The following ADGRL2 variants were observed in gnomAD, a reference collection of about 807,000 sequenced individuals.
ADGRL2 encodes adhesion G protein-coupled receptor L2.
In ADGRL2, 44 loss-of-function variants were observed where a neutral mutation model predicts 157.4. That is an observed-to-expected ratio of 0.28 (90% confidence interval 0.22 to 0.36). The LOEUF is 0.36. Among genes scored for constraint, ADGRL2 ranks in the 10% least tolerant of loss-of-function variants. The probability of loss-of-function intolerance (pLI) is 1.00; values close to 1 mark genes in which losing one functional copy is unlikely to be tolerated. For missense variants in ADGRL2, 1,510 were observed against 1,768.9 expected (o/e 0.85, Z 2.63); for synonymous variants, 585 against 624.7 (o/e 0.94, Z 0.95).
intron 3 of ADGRL2, among the ~76,000 whole-genome samples, chr1:81,636,305 A>G (rs1216014729): frequency 6.6e-6 from 1 of 152,206 alleles, no homozygotes; most frequent in Non-Finnish European, 1.5e-5. Flanking sequence ...ATGTGTGTGT[A>G]TGTATGTAGG....
At chr1:81,422,252 A>T (rs904789700) in intron 1 of ADGRL2, among the ~76,000 whole-genome samples, 2 of 150,206 alleles carry the variant, frequency 1.3e-5, no homozygotes, top group African/African-American at 4.9e-5. Context: ...CATACAAACA[A>T]TTTTTTTTTT....
At chr1:81,345,513 T>A (rs1476612428) in intron 1 of ADGRL2, among the ~76,000 whole-genome samples, 4 of 152,212 alleles carry the variant, frequency 2.6e-5, no homozygotes, top group Non-Finnish European at 5.9e-5. Context: ...AGATTAATCA[T>A]ATTTTTGTTA....
rs1177564379 is a variant in ADGRL2 at position 81,454,167 on chromosome 1, CT to C, written c.-248+9090del. Among the ~76,000 whole-genome samples, 857 of 145,572 alleles carry C rather than the reference CT, an allele frequency of 5.9e-3. 7 individuals are homozygous for C. Among genetic ancestry groups the C allele is most frequent in the African/African-American group, 9.8e-3 (393 of 39,958 alleles). ...AGTCTTGAACATCTCAATCCTCACT[CT>C]TTTTTTTTTTTCTTTTTCTTCTTCC... On this transcript the variant is annotated intron_variant, in intron 2 of 24. Transcript: ENST00000370721.
At position 81,991,154 on chromosome 1, in the gene ADGRL2, C is replaced by A. The variant is rs1052183300; in HGVS notation, c.*9C>A. 8 of 1,588,868 alleles carry A rather than the reference C, an allele frequency of 5.0e-6. No homozygotes were observed. The highest frequency in any genetic ancestry group is 6.9e-6 in the Non-Finnish European group (8 of 1,165,096). ...TGGTTACAAGTCTTTAATCATACAGCTAAGGAATTCCAAGGGCCACATGCG... is the reference window on the plus strand; with the variant it reads ...TGGTTACAAGTCTTTAATCATACAGATAAGGAATTCCAAGGGCCACATGCG... On this transcript the variant is annotated 3_prime_UTR_variant, in exon 24 of 24. Transcript: ENST00000686636.
intron 2 of ADGRL2, among the ~76,000 whole-genome samples, chr1:81,570,377 C>T (rs6662168): frequency 0.037 from 5,604 of 151,990 alleles, 123 homozygotes; most frequent in African/African-American, 0.047. Flanking sequence ...ATATTACATT[C>T]GTTTGTTTGT....
chr1:81,487,172 A>T (rs1259088992), intron 2 of ADGRL2, among the ~76,000 whole-genome samples: 1 of 150,202 alleles, frequency 6.7e-6, no homozygotes, highest in Non-Finnish European at 1.5e-5. Context: ...GGAGGCTGAG[A>T]TGGGAGGATT....
intron 2 of ADGRL2, among the ~76,000 whole-genome samples, chr1:81,459,361 T>G (rs190290254): frequency 4.9e-4 from 75 of 152,236 alleles, no homozygotes; most frequent in Admixed American, 4.2e-3. Flanking sequence ...CAACCACCAT[T>G]CTACCCTGCA....
chr1:81,950,043 T>A, intron 6 of ADGRL2, 146 bp from the exon 7 acceptor site: 1 of 686,138 alleles, frequency 1.5e-6, no homozygotes. Flanking sequence ...AGCGATATTG[T>A]CAGTAATTCT....
At chr1:81,645,396 CAAAAA>C (rs374061248) in intron 3 of ADGRL2, among the ~76,000 whole-genome samples, 50 of 94,828 alleles carry the variant, frequency 5.3e-4, no homozygotes, top group East Asian at 1.2e-3. Flanking sequence ...GATCCTGTCT[CAAAAA>C]AAAAAAAAAA....
chr1:81,573,343 C>T (rs2080733187), intron 2 of ADGRL2, among the ~76,000 whole-genome samples: 1 of 151,934 alleles, frequency 6.6e-6, no homozygotes, highest in African/African-American at 2.4e-5. Context: ...TCTTTTCTTC[C>T]CCCTTCCTTA....
At chr1:81,341,453 T>A (rs1662066573) in intron 1 of ADGRL2, among the ~76,000 whole-genome samples, 1 of 151,904 alleles carries the variant, frequency 6.6e-6, no homozygotes, top group Admixed American at 6.5e-5. Context: ...TGTGATTTTT[T>A]TTTTTGTTTT....
At chr1:81,611,417 G>A (rs1409494269) in intron 3 of ADGRL2, among the ~76,000 whole-genome samples, 1 of 152,026 alleles carries the variant, frequency 6.6e-6, no homozygotes, top group Non-Finnish European at 1.5e-5. Flanking sequence ...TTTAAACTGG[G>A]TAAAACTGCT....
intron 1 of ADGRL2, among the ~76,000 whole-genome samples, chr1:81,370,520 C>T (rs1407883971): frequency 6.6e-6 from 1 of 152,006 alleles, no homozygotes; most frequent in East Asian, 1.9e-4. Context: ...TGCTATTGTT[C>T]CTACATGAAA....
At chr1:81,847,870 A>T (rs74095982) in intron 2 of ADGRL2, among the ~76,000 whole-genome samples, 1,763 of 152,012 alleles carry the variant, frequency 0.012, 41 homozygotes, top group African/African-American at 0.04. Flanking sequence ...TTTTTATTAT[A>T]CTAATTTTTC....
chr1:81,465,823 A>G (rs2078041194), intron 2 of ADGRL2, among the ~76,000 whole-genome samples: 1 of 152,206 alleles, frequency 6.6e-6, no homozygotes, highest in African/African-American at 2.4e-5. Flanking sequence ...AAATCTCAGC[A>G]TCTGCCTGAA....
At chr1:81,371,464 A>T (rs1176348769) in intron 1 of ADGRL2, among the ~76,000 whole-genome samples, 2 of 152,178 alleles carry the variant, frequency 1.3e-5, no homozygotes, top group Admixed American at 1.3e-4. Flanking sequence ...CCCACTAAAA[A>T]TCTTACACGT....
chr1:81,471,714 T>C (rs554279733), intron 2 of ADGRL2, among the ~76,000 whole-genome samples: 1 of 152,332 alleles, frequency 6.6e-6, no homozygotes, highest in South Asian at 2.1e-4. Flanking sequence ...ATTGCCCTGA[T>C]TGACTTTCTG....
At chr1:81,635,235 C>T (rs1053984686) in intron 3 of ADGRL2, among the ~76,000 whole-genome samples, 4 of 152,152 alleles carry the variant, frequency 2.6e-5, no homozygotes, top group African/African-American at 9.7e-5. Flanking sequence ...TCGCCTTCTC[C>T]ATTTCCCCTC....
intron 3 of ADGRL2, among the ~76,000 whole-genome samples, chr1:81,591,953 A>G (rs1363425629): frequency 6.6e-6 from 1 of 152,188 alleles, no homozygotes; most frequent in Non-Finnish European, 1.5e-5. Context: ...GGACTTAACT[A>G]AGACATCCCT....
Sources: gnomAD v4.1 joint callset for allele counts (sites outside exome capture counted in the v4.1 genomes callset) on GRCh38, gnomAD v4.1.1 for gene constraint, MANE v1.5 for transcripts, NCBI Gene and HGNC (gene_info 2026-07-23, HGNC 2026-07-21) for gene names.